The following CFAP58 variants were observed in gnomAD, a reference collection of about 807,000 sequenced individuals.
The protein encoded by CFAP58 is cilia and flagella associated protein 58.
In CFAP58, 88 loss-of-function variants were observed where a neutral mutation model predicts 119.5. That is an observed-to-expected ratio of 0.74 (90% confidence interval 0.62 to 0.88). The LOEUF (loss-of-function observed/expected upper bound fraction) is 0.88. CFAP58 is among the 40% of genes least tolerant of loss of function. The pLI is 0.00. For synonymous variants in CFAP58, 365 were observed against 366.3 expected, an observed-to-expected ratio of 1.00 and a Z score of 0.04; for missense variants, 990 against 1,021.2, an observed-to-expected ratio of 0.97 and a Z score of 0.42.
intron 15 of CFAP58, among the ~76,000 whole-genome samples, chr10:104,434,294 G>C (rs534484300): frequency 3.6e-4 from 55 of 152,020 alleles, no homozygotes; most frequent in Non-Finnish European, 6.8e-4. Context: ...TATAATATAG[G>C]CCTAATTAGC....
chr10:104,400,148 C>T (rs566607341), intron 12 of CFAP58, among the ~76,000 whole-genome samples: 1 of 151,888 alleles, frequency 6.6e-6, no homozygotes, highest in Non-Finnish European at 1.5e-5. Context: ...GATGATTGGA[C>T]TATTATTATT....
intron 16 of CFAP58, among the ~76,000 whole-genome samples, 172 bp from the exon 17 acceptor site, chr10:104,449,899 A>G (rs1024648035): frequency 1.9e-4 from 29 of 152,208 alleles, no homozygotes; most frequent in African/African-American, 6.5e-4. Flanking sequence ...GCCCTCAGCC[A>G]GGTTTCTACT....
intron 15 of CFAP58, among the ~76,000 whole-genome samples, chr10:104,414,687 T>C (rs560649570): frequency 5.9e-5 from 9 of 152,316 alleles, no homozygotes; most frequent in African/African-American, 2.2e-4. Context: ...TTTATTTTTT[T>C]GAGACGGATT....
At chr10:104,406,015 G>C (rs1048577055) in intron 14 of CFAP58, among the ~76,000 whole-genome samples, 1 of 152,130 alleles carries the variant, frequency 6.6e-6, no homozygotes, top group African/African-American at 2.4e-5. Flanking sequence ...AGGATTGCTC[G>C]ATCCCCCAGA....
intron 9 of CFAP58, among the ~76,000 whole-genome samples, chr10:104,383,768 A>ACACG (rs1554917583): frequency 9.2e-5 from 14 of 151,836 alleles, no homozygotes; most frequent in African/African-American, 3.1e-4. Context: ...ACACACACAC[A>ACACG]CACACACACA....
At chr10:104,393,249 G>C in intron 10 of CFAP58, 80 bp from the exon 11 acceptor site, 1 of 1,299,706 alleles carries the variant, frequency 7.7e-7, no homozygotes. Context: ...TCCCTTAAAA[G>C]CTCTGAAATA....
chr10:104,383,694 CT>C (rs1246229855), intron 9 of CFAP58, among the ~76,000 whole-genome samples: 3 of 151,752 alleles, frequency 2.0e-5, no homozygotes, highest in African/African-American at 7.3e-5. Flanking sequence ...CTCTGGACTT[CT>C]TAAGGATATG....
At chr10:104,362,800 G>A (rs1185954810) in intron 3 of CFAP58, among the ~76,000 whole-genome samples, 1 of 152,134 alleles carries the variant, frequency 6.6e-6, no homozygotes, top group Non-Finnish European at 1.5e-5. Context: ...AAGCACATGT[G>A]CACCTATCCC....
At position 104,380,023 on chromosome 10, in the gene CFAP58, T is replaced by A; in HGVS notation, c.1174-6T>A. On this transcript the variant is annotated splice_polypyrimidine_tract_variant and splice_region_variant and intron_variant, in intron 8 of 17. Coordinates refer to ENST00000369704, the MANE Select transcript of CFAP58 (RefSeq NM_001008723.2). The stretch of plus-strand genomic sequence containing the variant: ...TAATGTGACTGCTTTGTGCCCTTAT[T>A]TTTAGAACATGCTTAAGGCGGTCAA... 6.2e-7 allele frequency: 1 copy of A among 1,609,928 alleles called. No individual in the cohort carries two copies. The highest frequency in any genetic ancestry group is 8.5e-7 in the Non-Finnish European group (1 of 1,178,330).
Position 104,387,796 on chromosome 10 carries a change from A to T in CFAP58, c.1366-4437A>T, listed in dbSNP as rs145458655. 2.2e-3 allele frequency among the ~76,000 whole-genome samples: 340 copies of T among 152,070 alleles called. 1 individual carries two copies. Among genetic ancestry groups the T allele is most frequent in the African/African-American group, 8.0e-3 (332 of 41,490 alleles). ...CATTTTAGGATCTCCCTCTTTTTTC[A>T]TTTCAAATATTAAACTTCTGGCAGT... On this transcript the variant is annotated intron_variant, in intron 9 of 17. Transcript: ENST00000369704.
chr10:104,440,601 C>T (rs998354150), intron 15 of CFAP58, among the ~76,000 whole-genome samples: 9 of 152,240 alleles, frequency 5.9e-5, no homozygotes, highest in East Asian at 1.9e-4. Flanking sequence ...GTCTGTTATG[C>T]GCTTAACAGA....
In CFAP58 at chr10:104,447,741, G is replaced by A. The variant is rs776932226; in HGVS notation, c.2300G>A (p.Arg767His). Residue 767 changes from arginine (R) to histidine (H), a missense_variant, in exon 16 of 18, where the codon CGC becomes CAC. Arg to His is a conservative substitution (Grantham distance 29). Coordinates refer to ENST00000369704, the MANE Select transcript of CFAP58 (RefSeq NM_001008723.2). ...ATGGAACTAAAGCACGTCTTGGCCC[G>A]CCAGCCTGGACCTGAGGCTGCGGAA... Reference protein sequence around the residue: ...LYMELKHVLARQPGPEAAEQL... With the variant: ...LYMELKHVLAHQPGPEAAEQL... 3 of 1,614,098 alleles carry A rather than the reference G, an allele frequency of 1.9e-6. No individual in the cohort carries two copies. The highest frequency in any genetic ancestry group is 2.2e-5 in the South Asian group (2 of 91,074).
intron 8 of CFAP58, 113 bp from the exon 9 acceptor site, chr10:104,379,915 AT>A (rs2133011525): frequency 1.1e-6 from 1 of 922,504 alleles, no homozygotes; most frequent in African/African-American, 1.7e-5. Context: ...GATCATTTTT[AT>A]TCATCCAAAA....
intron 8 of CFAP58, among the ~76,000 whole-genome samples, chr10:104,378,572 ATC>A (rs1326114922): frequency 6.6e-6 from 1 of 152,188 alleles, no homozygotes; most frequent in Admixed American, 6.5e-5. Flanking sequence ...GGATGAAAGC[ATC>A]TCTCTCTGCC....
intron 11 of CFAP58, among the ~76,000 whole-genome samples, chr10:104,396,427 AG>A (rs1564891130): frequency 1.4e-5 from 2 of 138,904 alleles, no homozygotes; most frequent in Non-Finnish European, 3.0e-5. Context: ...AGAGAGAGAG[AG>A]AGAGAGAGAG....
Position 104,392,394 on chromosome 10 carries a change from G to C in CFAP58, c.1527G>C (p.Gln509His), listed in dbSNP as rs1434731550. 6.4e-7 allele frequency: 1 copy of C among 1,564,776 alleles called. No individual in the cohort carries two copies. Among genetic ancestry groups the C allele is most frequent in the Admixed American group, 2.0e-5 (1 of 50,858 alleles). The change falls in exon 10 of 18, where the codon CAG (glutamine) becomes CAC (histidine). Residue 509 changes from glutamine to histidine, a missense_variant and splice_region_variant. Gln to His is a conservative substitution (Grantham distance 24). Transcript: ENST00000369704. ...ATAGCAAAAATCTGGTTGAGGCTCA[G>C]GTAAATAATATATTTATATCCTTAC... ...NLYSKNLVEA[Q>H]DEITDMKRKL... is the part of the protein sequence containing the mutation.
intron 17 of CFAP58, among the ~76,000 whole-genome samples, chr10:104,454,185 G>A (rs1317172196): frequency 6.6e-6 from 1 of 151,978 alleles, no homozygotes; most frequent in Non-Finnish European, 1.5e-5. Context: ...GTTATAATGA[G>A]GTCTTCTGTT....
chr10:104,438,645 G>T (rs976102970), intron 15 of CFAP58, among the ~76,000 whole-genome samples: 4 of 152,124 alleles, frequency 2.6e-5, no homozygotes, highest in African/African-American at 9.7e-5. Context: ...AAAGTGCTGG[G>T]ATTACAGGCG....
chr10:104,404,509 G>A (rs934256634), intron 14 of CFAP58, among the ~76,000 whole-genome samples: 5 of 152,172 alleles, frequency 3.3e-5, no homozygotes, highest in Non-Finnish European at 5.9e-5. Context: ...AAGGGCCTTC[G>A]ACTAAATGAA....
Sources: allele counts gnomAD v4.1 joint callset (sites outside exome capture counted in the v4.1 genomes callset), GRCh38; gene constraint gnomAD v4.1.1; transcripts MANE v1.5; gene names NCBI Gene and HGNC (gene_info 2026-07-23, HGNC 2026-07-21).